The following DPP6 variants were observed in gnomAD, a reference collection of about 807,000 sequenced individuals.
The protein encoded by DPP6 is A-type potassium channel modulatory protein DPP6.
A neutral mutation model predicts 122.6 loss-of-function variants in DPP6; 69 were observed. The observed-to-expected ratio is 0.56, with a 90% CI of 0.46 to 0.69. The LOEUF is 0.69. DPP6 is among the 30% of genes least tolerant of loss of function. The pLI, the probability that DPP6 is intolerant of heterozygous loss-of-function variation, is 0.00. For synonymous variants in DPP6, 418 were observed against 433.1 expected (o/e 0.97, Z 0.43); for missense variants, 928 against 1,116.9 (o/e 0.83, Z 2.41).
rs1802834292 is a variant in DPP6, at chr7:154,259,025, G to T, written c.244-187189G>T. On this transcript the variant is annotated intron_variant, in intron 1 of 25. Transcript: ENST00000377770. ...TGTTTGGGAAGAGGTAGAAGCAAAG[G>T]TGTTGAAATCGGACGGAAGTAACAC... is the stretch of plus-strand genomic sequence containing the variant. Among the ~76,000 whole-genome samples, 4 of 152,290 alleles carry T rather than the reference G, an allele frequency of 2.6e-5. 1 individual carries two copies. In the South Asian group the frequency reaches 8.3e-4, roughly 32 times the overall value.
At chr7:154,170,431 G>A (rs964957302) in intron 1 of DPP6, among the ~76,000 whole-genome samples, 1 of 152,156 alleles carries the variant, frequency 6.6e-6, no homozygotes, top group African/African-American at 2.4e-5. Context: ...CTCAAAATCA[G>A]CTCCCCTATC....
intron 1 of DPP6, among the ~76,000 whole-genome samples, chr7:153,948,308 GT>G (rs1189792653): frequency 6.6e-5 from 10 of 152,180 alleles, no homozygotes; most frequent in Non-Finnish European, 1.5e-4. Context: ...CTTTCCTGTT[GT>G]TTTATTTGGA....
chr7:153,975,401 G>T (rs39146), intron 1 of DPP6, among the ~76,000 whole-genome samples: 108,099 of 142,514 alleles, frequency 0.76, 41,103 homozygotes, highest in Admixed American at 0.82. Context: ...CTCTATTAGA[G>T]AAATTTTACC....
intron 1 of DPP6, among the ~76,000 whole-genome samples, chr7:154,248,035 G>T (rs79526063): frequency 0.012 from 1,774 of 152,274 alleles, 44 homozygotes; most frequent in East Asian, 0.095. Context: ...GCATGGTTGG[G>T]TTCTGATGAG....
At chr7:154,127,599 A>T (rs11771645) in intron 1 of DPP6, among the ~76,000 whole-genome samples, 7,319 of 25,242 alleles carry the variant, frequency 0.29, 234 homozygotes, top group Middle Eastern at 0.4. Flanking sequence ...GCAGCATCTC[A>T]CACACACACA....
the DPP6 span, among the ~76,000 whole-genome samples, chr7:153,867,446 CTGTT>C: frequency 2.9e-3 from 440 of 152,252 alleles, 5 homozygotes; most frequent in African/African-American, 9.8e-3. Context: ...ATTTGGCCCT[CTGTT>C]TGTCTGTTAT....
chr7:154,615,303 T>C (rs373869675), intron 5 of DPP6, among the ~76,000 whole-genome samples: 4 of 152,272 alleles, frequency 2.6e-5, no homozygotes. Context: ...TAACGTGCAA[T>C]TCCTGATAGT....
upstream of DPP6, among the ~76,000 whole-genome samples, chr7:153,882,243 T>C (rs1348397682): frequency 1.3e-5 from 2 of 152,212 alleles, no homozygotes; most frequent in African/African-American, 4.8e-5. Flanking sequence ...AATTAAATCA[T>C]GTGAAATGAA....
At chr7:153,849,423 G>GC in the DPP6 span, among the ~76,000 whole-genome samples, 1 of 152,110 alleles carries the variant, frequency 6.6e-6, no homozygotes, top group African/African-American at 2.4e-5. Context: ...CTTCCAGCCA[G>GC]CCCCCCTTAT....
chr7:154,805,509 G>GA (rs11361731), intron 15 of DPP6, among the ~76,000 whole-genome samples: 1,607 of 151,698 alleles, frequency 0.011, 23 homozygotes, highest in African/African-American at 0.036. Context: ...AATTTGATTA[G>GA]AAAAAAAAGG....
chr7:153,944,661 T>C, intron 1 of DPP6, among the ~76,000 whole-genome samples: 1 of 108,370 alleles, frequency 9.2e-6, no homozygotes, highest in Non-Finnish European at 1.9e-5. Context: ...TATTTTTGTG[T>C]GGGTTTTTTT....
intron 1 of DPP6, among the ~76,000 whole-genome samples, chr7:154,399,832 AGGTGGAG>A (rs917303328): frequency 5.3e-5 from 8 of 152,156 alleles, no homozygotes; most frequent in Admixed American, 5.2e-4. Flanking sequence ...ATTTCTATTC[AGGTGGAG>A]GGTAGGGGTG....
intron 1 of DPP6, among the ~76,000 whole-genome samples, chr7:153,950,481 C>T (rs965081949): frequency 6.6e-6 from 1 of 152,126 alleles, no homozygotes; most frequent in African/African-American, 2.4e-5. Context: ...CTGCCACGAT[C>T]ACATATGCTT....
At chr7:153,898,380 A>G (rs749123242) in intron 1 of DPP6, among the ~76,000 whole-genome samples, 5 of 152,284 alleles carry the variant, frequency 3.3e-5, no homozygotes, top group Middle Eastern at 3.4e-3. Context: ...TGAGGCCAGG[A>G]GTTCAAGGTT....
At chr7:154,371,399 A>G (rs1191325135) in intron 1 of DPP6, among the ~76,000 whole-genome samples, 2 of 134,154 alleles carry the variant, frequency 1.5e-5, no homozygotes, top group Middle Eastern at 3.9e-3. Flanking sequence ...AAAAAAAAAA[A>G]AAAAAGAAAG....
rs78042028 is a variant in DPP6, at chr7:154,240,692, G to A, written c.243+187629G>A. ...ATATAGTCCAAGCTGCAGAGGGAAA[G>A]GATGTAACCTGATATTCATATTCAG... On this transcript the variant is annotated intron_variant, in intron 1 of 25. Transcript: ENST00000377770. Among the ~76,000 whole-genome samples the A allele has an allele frequency of 9.8e-5, 15 of 152,298 alleles. No individual in the cohort carries two copies. The East Asian group carries it at 2.5e-3, about 25-fold the overall frequency.
the DPP6 span, among the ~76,000 whole-genome samples, chr7:153,843,982 G>GCC: frequency 1.3e-5 from 2 of 152,014 alleles, no homozygotes; most frequent in African/African-American, 4.8e-5. Flanking sequence ...ATGGACAGGT[G>GCC]CCCCCCATGC....
At chr7:153,952,529 C>T (rs922985006) in intron 1 of DPP6, among the ~76,000 whole-genome samples, 5 of 152,142 alleles carry the variant, frequency 3.3e-5, no homozygotes, top group South Asian at 2.1e-4. Context: ...GAAGGGTAAT[C>T]GCATTTTCCA....
In DPP6 at chr7:154,305,581, TGTGTGTGC is replaced by T. The variant is rs1276382832; in HGVS notation, c.244-140629_244-140622del. On this transcript the variant is annotated intron_variant, in intron 1 of 25. Coordinates refer to ENST00000377770, the MANE Select transcript of DPP6 (RefSeq NM_130797.4). ...TGCTGCTTTTGGGGGTCCGTGTGTG[TGTGTGTGC>T]GTGCGTGTGCATGCGTGCATATGTG... 15 of 1,580,334 alleles carry T rather than the reference TGTGTGTGC, an allele frequency of 9.5e-6. No individual in the cohort carries two copies. The African/African-American group carries it at 1.8e-4, about 19-fold the overall frequency.
Sources: gnomAD v4.1 joint callset for allele counts (sites outside exome capture counted in the v4.1 genomes callset) on GRCh38, gnomAD v4.1.1 for gene constraint, MANE v1.5 for transcripts, NCBI Gene and HGNC (gene_info 2026-07-23, HGNC 2026-07-21) for gene names.